Variants in CTXND2 observed in about 807,000 individuals in gnomAD.
CTXND2 encodes cortexin domain containing 2.
intron 1 of CTXND2, chr1:150,903,865 G>T (rs1430767635): frequency 1.8e-6 from 1 of 560,962 alleles, no homozygotes; most frequent in Non-Finnish European, 3.4e-6. Flanking sequence ...GGTAACCTAC[G>T]TTGCACCAGT....
chr1:150,906,923 C>T (rs1571605395), intron 1 of CTXND2, among the ~76,000 whole-genome samples: 1 of 152,112 alleles, frequency 6.6e-6, no homozygotes, highest in Admixed American at 6.6e-5. Flanking sequence ...TGAAGAGAAA[C>T]GCTACTCAAA....
chr1:150,895,287 G>A (rs1668901882), intron 1 of CTXND2, among the ~76,000 whole-genome samples: 1 of 151,768 alleles, frequency 6.6e-6, no homozygotes, highest in Non-Finnish European at 1.5e-5. Flanking sequence ...GTCATTTTTT[G>A]TCTGCCCAAC....
At chr1:150,905,730 C>A (rs1165617571) in intron 1 of CTXND2, among the ~76,000 whole-genome samples, 1 of 152,130 alleles carries the variant, frequency 6.6e-6, no homozygotes, top group Non-Finnish European at 1.5e-5. Context: ...GTGGCTCACG[C>A]CTGTAATCCC....
chr1:150,888,477 CAA>C (rs937797678), intron 1 of CTXND2, among the ~76,000 whole-genome samples: 1 of 151,824 alleles, frequency 6.6e-6, no homozygotes, highest in Non-Finnish European at 1.5e-5. Context: ...CTCGGCCTCC[CAA>C]AGTGTTGGGA....
rs922977756 is a variant in CTXND2 at position 150,894,980 on chromosome 1, G to A, written c.-74+7667G>A. Among the ~76,000 whole-genome samples, 6 of 152,018 alleles carry A rather than the reference G, an allele frequency of 3.9e-5. No individual in the cohort carries two copies. In the Middle Eastern group the frequency reaches 0.01, roughly 259 times the overall value. On this transcript the variant is annotated intron_variant, in intron 1 of 1. Transcript: ENST00000636087. ...AACCAGGAGGAGGTTGTAGTGAGCC[G>A]AGATCGCACCACTGCACCCCAGCCT...
chr1:150,894,511 C>T (rs1668889595), intron 1 of CTXND2, among the ~76,000 whole-genome samples: 1 of 152,074 alleles, frequency 6.6e-6, no homozygotes, highest in Non-Finnish European at 1.5e-5. Context: ...CTATTTCTCT[C>T]TAGAGTTCTA....
intron 1 of CTXND2, among the ~76,000 whole-genome samples, chr1:150,905,757 G>A (rs587653806): frequency 7.9e-4 from 120 of 152,028 alleles, no homozygotes; most frequent in African/African-American, 2.8e-3. Flanking sequence ...TTGGGAGGCC[G>A]AGACGGGCAG....
At chr1:150,899,846 C>T (rs183548479) in intron 1 of CTXND2, among the ~76,000 whole-genome samples, 1 of 152,294 alleles carries the variant, frequency 6.6e-6, no homozygotes, top group Admixed American at 6.5e-5. Context: ...GCTATCTGGA[C>T]TTCCTGGGTG....
intron 1 of CTXND2, among the ~76,000 whole-genome samples, chr1:150,895,222 T>C (rs587696181): frequency 3.0e-4 from 46 of 152,184 alleles, no homozygotes; most frequent in African/African-American, 9.9e-4. Context: ...TTTAGGTGAA[T>C]TTTTAAAAAA....
chr1:150,905,731 C>T (rs1669131792), intron 1 of CTXND2, among the ~76,000 whole-genome samples: 1 of 152,114 alleles, frequency 6.6e-6, no homozygotes, highest in African/African-American at 2.4e-5. Context: ...TGGCTCACGC[C>T]TGTAATCCCA....
chr1:150,908,726 G>A (rs1669196182), intron 1 of CTXND2, among the ~76,000 whole-genome samples: 1 of 151,386 alleles, frequency 6.6e-6, no homozygotes, highest in African/African-American at 2.4e-5. Flanking sequence ...GGGCTCAAAG[G>A]ATCCTTCTGC....
chr1:150,909,682 G>T (rs937321100), intron 1 of CTXND2, among the ~76,000 whole-genome samples: 5 of 152,110 alleles, frequency 3.3e-5, no homozygotes, highest in Admixed American at 6.6e-5. Flanking sequence ...ATCTTTGTAT[G>T]TGGTGTGAAA....
At chr1:150,903,998 G>A in intron 1 of CTXND2, 1 of 647,790 alleles carries the variant, frequency 1.5e-6, no homozygotes, top group Non-Finnish European at 2.9e-6. Context: ...TAATCTCCAT[G>A]GTCTCTTCAG....
chr1:150,899,097 CAAATAAATAAAT>C (rs71090107), intron 1 of CTXND2, among the ~76,000 whole-genome samples: 12 of 119,866 alleles, frequency 1.0e-4, no homozygotes, highest in Non-Finnish European at 1.8e-4. Flanking sequence ...GACTCCGTCT[CAAATAAATAAAT>C]AAATAAATAA....
Position 150,907,899 on chromosome 1 carries a change from T to G in CTXND2, c.-73-4343T>G, listed in dbSNP as rs587655833. Among the ~76,000 whole-genome samples, 663 of 152,110 alleles carry G rather than the reference T, an allele frequency of 4.4e-3. 4 individuals are homozygous for G. Among genetic ancestry groups the G allele is most frequent in the African/African-American group, 0.015 (617 of 41,514 alleles). On this transcript the variant is annotated intron_variant, in intron 1 of 1. Transcript: ENST00000636087. ...TAATTTTTTGTATTTTTAGTAGAGA[T>G]GGGGTTTCACCGTGTTAGCCAGGAT... is the stretch of plus-strand genomic sequence containing the variant.
At chr1:150,912,343 T>G (rs1278804623) in exon 2 of CTXND2, 1 of 398,442 alleles carries the variant, frequency 2.5e-6, no homozygotes, top group Non-Finnish European at 4.4e-6. Context: ...TCCAGTGGTG[T>G]TGATGTGGAC....
At position 150,887,247 on chromosome 1, in the gene CTXND2, G is replaced by A. The variant is rs770718128; in HGVS notation, c.-140G>A. The A allele has an allele frequency of 6.6e-6, 1 of 152,242 alleles. No homozygotes were observed. The highest frequency in any genetic ancestry group is 1.5e-5 in the Non-Finnish European group (1 of 68,042). The allele number at this position is 152,242 out of a possible 1,614,324, so 9.4% of individuals were successfully genotyped here. ...ATAAAAACAGAGGCTGCCAAGAGAT[G>A]TACTTGAGTAGGAGGAGACTGCCCT... On this transcript the variant is annotated 5_prime_UTR_variant, in exon 1 of 2. It removes an upstream start codon present in the reference 5' UTR. Coordinates refer to ENST00000636087, the Ensembl canonical transcript of CTXND2.
chr1:150,901,225 CATT>C (rs768489538), intron 1 of CTXND2, among the ~76,000 whole-genome samples: 45 of 152,280 alleles, frequency 3.0e-4, no homozygotes, highest in Middle Eastern at 3.4e-3. Context: ...AGCTACAAAA[CATT>C]GTTGAAAGAA....
chr1:150,909,405 C>A (rs1200500018), intron 1 of CTXND2, among the ~76,000 whole-genome samples: 8 of 151,388 alleles, frequency 5.3e-5, no homozygotes, highest in Non-Finnish European at 1.0e-4. Context: ...AAACAAAAAA[C>A]AATTAGCCGG....
Sources: gnomAD v4.1 joint callset for allele counts (sites outside exome capture counted in the v4.1 genomes callset) on GRCh38, gnomAD v4.1.1 for gene constraint, MANE v1.5 for transcripts, NCBI Gene and HGNC (gene_info 2026-07-23, HGNC 2026-07-21) for gene names.